The following PTPRD variants were observed in gnomAD, a reference collection of about 807,000 sequenced individuals.
The protein encoded by PTPRD is receptor-type tyrosine-protein phosphatase delta.
Under a neutral mutation model 214.5 loss-of-function variants are expected in PTPRD, and 34 were observed. The ratio of observed to expected loss-of-function variants is 0.16; its 90% CI spans 0.12 to 0.21. The LOEUF (loss-of-function observed/expected upper bound fraction) is 0.21, where lower values mean the gene tolerates loss of function less well. PTPRD is among the 10% of genes least tolerant of loss of function. The pLI, the probability that PTPRD is intolerant of heterozygous loss-of-function variation, is 1.00. For synonymous variants in PTPRD, 1,128 were observed against 845.7 expected (o/e 1.33, Z -5.79); for missense variants, 2,545 against 2,398.7 (o/e 1.06, Z -1.27).
At chr9:8,860,263 T>G (rs1368296040) in intron 11 of PTPRD, 3 of 152,248 alleles carry the variant, frequency 2.0e-5, no homozygotes, top group African/African-American at 7.2e-5. Flanking sequence ...GACTGCTATC[T>G]GGGAACATAG....
chr9:8,549,663 G>A (rs955565346), intron 14 of PTPRD, among the ~76,000 whole-genome samples: 1 of 152,172 alleles, frequency 6.6e-6, no homozygotes, highest in African/African-American at 2.4e-5. Context: ...ATGCAACTTT[G>A]AGAGGGGAGA....
rs150285836 is a variant in PTPRD at position 9,674,416 on chromosome 9, A to G, written c.-287+60117T>C. 4.2e-3 allele frequency among the ~76,000 whole-genome samples: 633 copies of G among 151,924 alleles called. 2 individuals carry two copies. Among genetic ancestry groups the G allele is most frequent in the African/African-American group, 0.014 (595 of 41,540 alleles). Reference sequence around the variant, plus strand: ...CAACAACATTAAATTGAAAGAAAAAAAGAAAAAATGGAAGAGAAAAAACAT... The same window carrying G: ...CAACAACATTAAATTGAAAGAAAAAGAGAAAAAATGGAAGAGAAAAAACAT... On this transcript the variant is annotated intron_variant, in intron 7 of 45. Coordinates refer to ENST00000381196, the MANE Select transcript of PTPRD (RefSeq NM_002839.4).
intron 12 of PTPRD, among the ~76,000 whole-genome samples, chr9:8,682,881 AT>A (rs2097576956): frequency 6.6e-6 from 1 of 151,986 alleles, no homozygotes; most frequent in Non-Finnish European, 1.5e-5. Flanking sequence ...GTTGTTGTTT[AT>A]TTTTTTGTAA....
At chr9:9,891,121 A>G (rs1053181690) in intron 5 of PTPRD, among the ~76,000 whole-genome samples, 1 of 152,132 alleles carries the variant, frequency 6.6e-6, no homozygotes, top group Non-Finnish European at 1.5e-5. Flanking sequence ...ATGGCTAGGA[A>G]AAAGGGAAAT....
intron 2 of PTPRD, among the ~76,000 whole-genome samples, chr9:10,564,891 GTTAA>G (rs752127824): frequency 5.3e-5 from 8 of 152,070 alleles, no homozygotes; most frequent in Non-Finnish European, 8.8e-5. Context: ...ATGCTATTCA[GTTAA>G]TTAATAACCT....
chr9:8,402,643 A>G lies in PTPRD; in HGVS notation c.4210+1894T>C, dbSNP rs890975495. ...CTCTCTGCTATTTGTGACTCAGTTT[A>G]GTTTTTCATTTATTATGGAGATGAT... On this transcript the variant is annotated intron_variant, in intron 36 of 45. Coordinates refer to ENST00000381196, the MANE Select transcript of PTPRD (RefSeq NM_002839.4). 2.0e-5 allele frequency among the ~76,000 whole-genome samples: 3 copies of G among 152,146 alleles called. 1 individual carries two copies. The highest frequency in any genetic ancestry group is 4.1e-4 in the South Asian group (2 of 4,832).
intron 3 of PTPRD, among the ~76,000 whole-genome samples, chr9:10,281,759 G>GA (rs1384761314): frequency 2.0e-5 from 3 of 151,882 alleles, no homozygotes; most frequent in Admixed American, 6.6e-5. Context: ...ATTAAATTTT[G>GA]AAAAAACCTG....
chr9:8,625,294 T>G (rs1160116690), intron 14 of PTPRD, among the ~76,000 whole-genome samples: 1 of 151,864 alleles, frequency 6.6e-6, no homozygotes, highest in Admixed American at 6.6e-5. Flanking sequence ...CTAGCTTTAT[T>G]AAAAGCCATC....
chr9:8,652,315 C>G (rs1053291768), intron 12 of PTPRD, among the ~76,000 whole-genome samples: 2 of 152,120 alleles, frequency 1.3e-5, no homozygotes, highest in Admixed American at 1.3e-4. Context: ...AACATCATAG[C>G]AATTTAAGTT....
intron 4 of PTPRD, among the ~76,000 whole-genome samples, chr9:10,027,751 A>C (rs753568949): frequency 3.3e-5 from 5 of 152,230 alleles, no homozygotes; most frequent in Admixed American, 6.5e-5. Flanking sequence ...AAACTACTAA[A>C]GTATTAATGA....
intron 5 of PTPRD, among the ~76,000 whole-genome samples, chr9:9,923,487 A>AC (rs1487217941): frequency 3.0e-5 from 2 of 67,330 alleles, no homozygotes; most frequent in Non-Finnish European, 6.5e-5. Context: ...GAGCACACAC[A>AC]AAAAAATCGA....
At chr9:8,557,501 C>A (rs10977199) in intron 14 of PTPRD, among the ~76,000 whole-genome samples, 1 of 145,160 alleles carries the variant, frequency 6.9e-6, no homozygotes. Flanking sequence ...CCAGCACTTT[C>A]GGAGGCCAAT....
chr9:8,409,180 T>C (rs1425511447), intron 35 of PTPRD, among the ~76,000 whole-genome samples: 1 of 152,220 alleles, frequency 6.6e-6, no homozygotes, highest in African/African-American at 2.4e-5. Context: ...AACTCATTTA[T>C]CTTCACAAAG....
In PTPRD at chr9:8,723,288, G is replaced by A. The variant is rs114214498; in HGVS notation, c.64+10492C>T. Among the ~76,000 whole-genome samples, 416 of 152,176 alleles carry A rather than the reference G, an allele frequency of 2.7e-3. 4 individuals are homozygous for A. The highest frequency in any genetic ancestry group is 9.6e-3 in the African/African-American group (399 of 41,516). ...ACCCTTCCCATTCTTCGGCTCAAGT[G>A]TTGTATCTCACTCAGTAACACCTTC... On this transcript the variant is annotated intron_variant, in intron 12 of 45. Transcript: ENST00000381196.
intron 11 of PTPRD, among the ~76,000 whole-genome samples, chr9:8,870,163 A>G (rs1397898908): frequency 6.6e-6 from 1 of 151,834 alleles, no homozygotes; most frequent in Non-Finnish European, 1.5e-5. Flanking sequence ...TAAAAGACAC[A>G]GTCTTAGGTA....
chr9:8,425,271 T>A (rs10977084), intron 35 of PTPRD, among the ~76,000 whole-genome samples: 69 of 152,190 alleles, frequency 4.5e-4, no homozygotes, highest in Middle Eastern at 6.8e-3. Flanking sequence ...GACATAAACA[T>A]AGACGTACTC....
chr9:9,363,778 A>G (rs1486643980), intron 9 of PTPRD, among the ~76,000 whole-genome samples: 1 of 151,358 alleles, frequency 6.6e-6, no homozygotes, highest in Non-Finnish European at 1.5e-5. Context: ...CTTAGAAACC[A>G]TCGATATATT....
chr9:10,378,458 A>C (rs2097768141), intron 2 of PTPRD, among the ~76,000 whole-genome samples: 1 of 152,032 alleles, frequency 6.6e-6, no homozygotes, highest in Non-Finnish European at 1.5e-5. Context: ...CTTAAGTTTA[A>C]GTCTTTAATC....
chr9:9,711,766 A>T (rs1265188292), intron 7 of PTPRD, among the ~76,000 whole-genome samples: 1 of 152,168 alleles, frequency 6.6e-6, no homozygotes, highest in East Asian at 1.9e-4. Context: ...CATGACCTTA[A>T]ATGTCAATAG....
Sources: allele counts gnomAD v4.1 joint callset (sites outside exome capture counted in the v4.1 genomes callset), GRCh38; gene constraint gnomAD v4.1.1; transcripts MANE v1.5; gene names NCBI Gene and HGNC (gene_info 2026-07-23, HGNC 2026-07-21).